RARB: variants seen among roughly 807,000 people sequenced by gnomAD.
The protein encoded by RARB is HBV-activated protein.
In RARB, 17 loss-of-function variants were observed where a neutral mutation model predicts 51.9. That is an observed-to-expected ratio of 0.33 (90% CI 0.22 to 0.49). The LOEUF (loss-of-function observed/expected upper bound fraction) is 0.49. Among genes scored for constraint, RARB ranks in the 20% least tolerant of loss-of-function variants. The pLI, the probability that RARB is intolerant of heterozygous loss-of-function variation, is 0.99. For missense variants in RARB, 369 were observed against 550.8 expected (o/e 0.67, Z 3.30); for synonymous variants, 215 against 195.4 (o/e 1.10, Z -0.84).
At chr3:25,474,864 C>G (rs543259401) in intron 2 of RARB, among the ~76,000 whole-genome samples, 8 of 152,216 alleles carry the variant, frequency 5.3e-5, no homozygotes, top group African/African-American at 1.9e-4. Context: ...AAAGTATGCC[C>G]TACTTAAATG....
chr3:25,249,484 G>A lies in RARB; in HGVS notation c.178+74909G>A, dbSNP rs1210683005. ...TGGAAAATTGTTGTGATCCTTTGGAGGTTTCATATATCCCTGCTTTTTTTG... is the reference window on the plus strand; with the variant it reads ...TGGAAAATTGTTGTGATCCTTTGGAAGTTTCATATATCCCTGCTTTTTTTG... On this transcript the variant is annotated intron_variant, in intron 5 of 11. Transcript: ENST00000383772. Among the ~76,000 whole-genome samples the A allele has an allele frequency of 3.9e-5, 6 of 152,122 alleles. No individual in the cohort carries two copies. In the South Asian group the frequency reaches 1.0e-3, roughly 26 times the overall value.
At chr3:24,936,692 G>A (rs1695555052) in intron 2 of RARB, among the ~76,000 whole-genome samples, 1 of 152,180 alleles carries the variant, frequency 6.6e-6, no homozygotes. Flanking sequence ...TTAAAGCCAG[G>A]CAGAAAATTA....
chr3:25,338,142 A>G (rs1186205264), intron 5 of RARB, among the ~76,000 whole-genome samples: 2 of 148,948 alleles, frequency 1.3e-5, no homozygotes, highest in Non-Finnish European at 3.0e-5. Flanking sequence ...CACAGAATTA[A>G]GCAAAGTACC....
At chr3:25,161,668 C>A (rs1030628618) in intron 4 of RARB, among the ~76,000 whole-genome samples, 5 of 152,200 alleles carry the variant, frequency 3.3e-5, no homozygotes, top group African/African-American at 4.8e-5. Context: ...TCCCACTTTT[C>A]TTAGTACATA....
chr3:24,926,076 A>G (rs1695313897), intron 2 of RARB, among the ~76,000 whole-genome samples: 1 of 152,288 alleles, frequency 6.6e-6, no homozygotes, highest in Middle Eastern at 3.4e-3. Flanking sequence ...TGACATTTAT[A>G]GAAAATATGG....
chr3:25,189,772 A>T (rs1575206691), intron 5 of RARB, among the ~76,000 whole-genome samples: 1 of 152,038 alleles, frequency 6.6e-6, no homozygotes, highest in Non-Finnish European at 1.5e-5. Flanking sequence ...GTAATCGCAG[A>T]TACTCAGGAG....
chr3:25,508,937 T>C (rs1244414479), intron 3 of RARB, among the ~76,000 whole-genome samples: 1 of 151,962 alleles, frequency 6.6e-6, no homozygotes, highest in African/African-American at 2.4e-5. Context: ...AGCCCGGTGA[T>C]GTCAGTGCCA....
intron 5 of RARB, among the ~76,000 whole-genome samples, chr3:25,207,224 T>G (rs946135732): frequency 6.6e-6 from 1 of 152,192 alleles, no homozygotes; most frequent in African/African-American, 2.4e-5. Context: ...CCAACTCAGA[T>G]CTACTAAGCA....
intron 3 of RARB, among the ~76,000 whole-genome samples, chr3:25,072,191 GTTTAA>G (rs1421366933): frequency 6.6e-5 from 10 of 152,164 alleles, no homozygotes; most frequent in Admixed American, 2.0e-4. Context: ...ACTAAAATGT[GTTTAA>G]TTTAAAAATT....
intron 1 of RARB, among the ~76,000 whole-genome samples, chr3:24,834,641 G>A (rs939538189): frequency 6.6e-6 from 1 of 152,126 alleles, no homozygotes; most frequent in Admixed American, 6.6e-5. Flanking sequence ...CAGTGATGAC[G>A]TCAATGTAAT....
chr3:25,400,233 C>T lies in RARB; in HGVS notation c.179-60960C>T, dbSNP rs547301362. On this transcript the variant is annotated intron_variant, in intron 5 of 11. Transcript: ENST00000383772. The stretch of plus-strand genomic sequence containing the variant: ...CCTGGAGAGAAGGACACTTCCTTCT[C>T]CCCATTCTTTCCCACACAAAAGTTA... 1.1e-3 allele frequency among the ~76,000 whole-genome samples: 160 copies of T among 152,254 alleles called. No homozygotes were observed. In the Middle Eastern group the frequency reaches 0.014, roughly 13 times the overall value.
At chr3:25,334,320 C>CAT (rs1352077146) in intron 5 of RARB, among the ~76,000 whole-genome samples, 1 of 152,166 alleles carries the variant, frequency 6.6e-6, no homozygotes, top group Non-Finnish European at 1.5e-5. Context: ...AAATGTGGCA[C>CAT]ATATACACCA....
At chr3:24,867,125 C>T (rs1223155530) in intron 2 of RARB, among the ~76,000 whole-genome samples, 1 of 152,028 alleles carries the variant, frequency 6.6e-6, no homozygotes, top group Non-Finnish European at 1.5e-5. Flanking sequence ...ATATTTTTGA[C>T]CTCTGGAATT....
At chr3:25,193,409 C>T (rs925544757) in intron 5 of RARB, among the ~76,000 whole-genome samples, 9 of 151,946 alleles carry the variant, frequency 5.9e-5, no homozygotes, top group African/African-American at 2.2e-4. Context: ...AAGATAGGAA[C>T]ATTAAAACCT....
intron 5 of RARB, among the ~76,000 whole-genome samples, chr3:25,396,722 G>A (rs1707125359): frequency 6.6e-6 from 1 of 152,128 alleles, no homozygotes; most frequent in South Asian, 2.1e-4. Context: ...GCGCTGTGGA[G>A]ATGGGGGTGT....
chr3:25,347,830 C>T (rs1705439854), intron 5 of RARB, among the ~76,000 whole-genome samples: 1 of 152,130 alleles, frequency 6.6e-6, no homozygotes, highest in African/African-American at 2.4e-5. Context: ...CATGGCAAAT[C>T]CCAGCACTGG....
At chr3:25,529,350 A>C (rs1161121284) in intron 3 of RARB, among the ~76,000 whole-genome samples, 1 of 152,186 alleles carries the variant, frequency 6.6e-6, no homozygotes, top group Non-Finnish European at 1.5e-5. Context: ...AAACAATGAA[A>C]TACTATACAA....
upstream of RARB, among the ~76,000 whole-genome samples, chr3:25,423,536 A>G (rs965672453): frequency 6.6e-6 from 1 of 152,244 alleles, no homozygotes; most frequent in African/African-American, 2.4e-5. Context: ...CCAAAAAAAT[A>G]TACAGATCTA....
At chr3:25,417,815 A>G (rs1392832495) in intron 5 of RARB, among the ~76,000 whole-genome samples, 1 of 152,232 alleles carries the variant, frequency 6.6e-6, no homozygotes, top group Admixed American at 6.5e-5. Flanking sequence ...GACTTTTAAA[A>G]GAGACCCAAA....
Sources: allele counts gnomAD v4.1 joint callset (sites outside exome capture counted in the v4.1 genomes callset), GRCh38; gene constraint gnomAD v4.1.1; transcripts MANE v1.5; gene names NCBI Gene and HGNC (gene_info 2026-07-23, HGNC 2026-07-21).